Variants in SYTL4 observed in about 807,000 individuals in gnomAD.
The protein encoded by SYTL4 is synaptotagmin like 4, also known as synaptotagmin-like protein 4.
SYTL4 carries 16 observed loss-of-function variants against 52.7 expected under a neutral mutation model. The observed-to-expected ratio is 0.30, with a 90% CI of 0.21 to 0.46. SYTL4 has a LOEUF of 0.46. Ranked by LOEUF, SYTL4 falls within the 20% of genes least tolerant of loss-of-function variation. The pLI is 1.00. For synonymous variants in SYTL4, 160 were observed against 186.6 expected (o/e 0.86, Z 1.16); for missense variants, 423 against 519.9 (o/e 0.81, Z 1.81).
chrX:100,723,738 G>C (rs1365391091), intron 2 of SYTL4, among the ~76,000 whole-genome samples: 1 of 104,436 alleles, frequency 9.6e-6, no homozygotes, highest in Admixed American at 1.0e-4. Flanking sequence ...CGGCCGCCCC[G>C]TCTGAGAAGT....
At position 100,713,441 on chromosome X, in the gene SYTL4, G is replaced by A. The variant is rs144466921; in HGVS notation, c.-239-8555C>T. ...GCCTGGGCAACAAGAGGGAAACTCC[G>A]TCTCAAAAGAAAACAAAAACAAAAC... On this transcript the variant is annotated intron_variant, in intron 2 of 19. Coordinates refer to ENST00000372989, the MANE Select transcript of SYTL4 (RefSeq NM_001370165.1). 3.8e-3 allele frequency among the ~76,000 whole-genome samples: 407 copies of A among 108,511 alleles called. 3 individuals are homozygous for A. The highest frequency in any genetic ancestry group is 0.012 in the African/African-American group (371 of 29,726). The allele number at this position is 108,511 out of a possible 115,157, so 94.2% of individuals were successfully genotyped here.
chrX:100,693,419 G>A (rs779737486), intron 8 of SYTL4, among the ~76,000 whole-genome samples: 15 of 112,145 alleles, frequency 1.3e-4, no homozygotes, highest in Non-Finnish European at 1.3e-4. Context: ...AAGAATCATC[G>A]GTTACTCCTC....
chrX:100,716,882 T>C (rs1196030539), intron 2 of SYTL4, among the ~76,000 whole-genome samples: 1 of 112,055 alleles, frequency 8.9e-6, no homozygotes, highest in African/African-American at 3.2e-5. Context: ...TTTCAATTTA[T>C]AAAGCTGCTA....
chrX:100,678,451 C>G lies in SYTL4; in HGVS notation c.1807G>C (p.Asp603His). 1 of 1,211,381 alleles carries G rather than the reference C, an allele frequency of 8.3e-7. No individual in the cohort carries two copies. Among genetic ancestry groups the G allele is most frequent in the South Asian group, 1.8e-5 (1 of 56,928 alleles). Residue 603 changes from aspartate (D) to histidine (H), a missense_variant, in exon 19 of 20, where the codon GAC becomes CAC. Physicochemically the swap from Asp to His is moderately conservative, Grantham distance 81. Coordinates refer to ENST00000372989, the MANE Select transcript of SYTL4 (RefSeq NM_001370165.1). ...TCATTGCTGGCCAGGGGCTCCCGGT[C>G]CCACACAGTCAGTTCCAGGCACATA... ...QHMCLELTVW[D>H]REPLASNDFL...
chrX:100,714,291 T>TCAC (rs2084145490), intron 2 of SYTL4, among the ~76,000 whole-genome samples: 1 of 108,235 alleles, frequency 9.2e-6, no homozygotes, highest in East Asian at 2.9e-4. Flanking sequence ...AGATGGAGTC[T>TCAC]TGCTGTTGCC....
intron 12 of SYTL4, among the ~76,000 whole-genome samples, chrX:100,689,312 T>C (rs1481781914): frequency 2.0e-5 from 2 of 101,880 alleles, no homozygotes; most frequent in East Asian, 6.1e-4. Flanking sequence ...GAGTTCAAGG[T>C]GGCACTGAGC....
chrX:100,689,941 A>G lies in SYTL4; in HGVS notation c.827T>C (p.Ile276Thr), dbSNP rs1441925384. The change falls in exon 12 of 20, where the codon ATA becomes ACA. Residue 276 changes from isoleucine (I) to threonine (T), a missense_variant. Ile to Thr is a moderately conservative substitution (Grantham distance 89, BLOSUM62 -1). Coordinates refer to ENST00000372989, the MANE Select transcript of SYTL4 (RefSeq NM_001370165.1). ...LRPSEYTKSV[I>T]DLRPEDVVHE... ...TACCACATCTTCTGGGCGAAGATCT[A>G]TCACAGATTTAGTGTACTCTGAGGG... The G allele has an allele frequency of 4.1e-6, 5 of 1,205,182 alleles. No individual in the cohort carries two copies. The highest frequency in any genetic ancestry group is 2.3e-4 in the Middle Eastern group (1 of 4,340).
intron 16 of SYTL4, chrX:100,685,004 A>T (rs1357736612): frequency 8.9e-6 from 1 of 112,694 alleles, no homozygotes; most frequent in Non-Finnish European, 1.9e-5. Context: ...GCCATAAAAA[A>T]TTTCTAGAAG....
intron 8 of SYTL4, 27 bp downstream of exon 8, chrX:100,700,870 T>A: frequency 9.2e-7 from 1 of 1,084,064 alleles, no homozygotes; most frequent in Non-Finnish European, 1.3e-6. Flanking sequence ...TTGTAAGCAT[T>A]TCTTTAAACA....
chrX:100,681,369 G>A (rs2083371152), intron 16 of SYTL4, 34 bp from the exon 17 acceptor site: 1 of 1,092,819 alleles, frequency 9.2e-7, no homozygotes, highest in Non-Finnish European at 1.3e-6. Context: ...GGTCAAGCTG[G>A]GCTTCTCAAG....
intron 2 of SYTL4, among the ~76,000 whole-genome samples, chrX:100,724,660 T>C (rs1218376256): frequency 2.0e-5 from 2 of 100,522 alleles, no homozygotes; most frequent in Admixed American, 1.1e-4. Context: ...GTTAAACAGA[T>C]GCTTGAAGGC....
At chrX:100,724,262 C>G (rs1434575728) in intron 2 of SYTL4, among the ~76,000 whole-genome samples, 2 of 105,871 alleles carry the variant, frequency 1.9e-5, no homozygotes, top group African/African-American at 7.0e-5. Flanking sequence ...GGTCAGCGCC[C>G]CGCCCGGCCA....
intron 8 of SYTL4, among the ~76,000 whole-genome samples, chrX:100,698,653 G>A (rs1227827726): frequency 1.8e-5 from 2 of 111,546 alleles, no homozygotes; most frequent in Non-Finnish European, 3.8e-5. Context: ...AAGTATAAAG[G>A]CAGCTGGCAG....
At chrX:100,719,441 G>C (rs1386028633) in intron 2 of SYTL4, among the ~76,000 whole-genome samples, 1 of 111,013 alleles carries the variant, frequency 9.0e-6, no homozygotes, top group African/African-American at 3.3e-5. Context: ...TTTGGAAAAG[G>C]GAACATCAAC....
intron 2 of SYTL4, among the ~76,000 whole-genome samples, chrX:100,719,627 C>T (rs2084299144): frequency 9.2e-6 from 1 of 108,128 alleles, no homozygotes; most frequent in African/African-American, 3.4e-5. Flanking sequence ...TAACTCATTC[C>T]CCTCATCCAG....
intron 4 of SYTL4, among the ~76,000 whole-genome samples, 171 bp from the exon 5 acceptor site, chrX:100,702,278 G>T (rs959168816): frequency 1.8e-5 from 2 of 111,835 alleles, no homozygotes; most frequent in East Asian, 5.6e-4. Context: ...CCCTGAAAAT[G>T]AAGAGTCCTT....
At chrX:100,713,623 G>GA (rs2084124044) in intron 2 of SYTL4, among the ~76,000 whole-genome samples, 20 of 5,762 alleles carry the variant, frequency 3.5e-3, no homozygotes, top group African/African-American at 5.0e-3. Flanking sequence ...CTCAAAAGGG[G>GA]GAAAAAAAAA....
intron 2 of SYTL4, among the ~76,000 whole-genome samples, chrX:100,726,724 T>G (rs1017719456): frequency 9.0e-6 from 1 of 111,098 alleles, no homozygotes. Context: ...TGTGCCTTAC[T>G]GTCTATAAGG....
At chrX:100,730,333 T>C (rs1162689856) in intron 2 of SYTL4, among the ~76,000 whole-genome samples, 1 of 110,906 alleles carries the variant, frequency 9.0e-6, no homozygotes, top group African/African-American at 3.3e-5. Context: ...GAAAAACATA[T>C]ACTTGGGCTT....
Sources: allele counts gnomAD v4.1 joint callset (sites outside exome capture counted in the v4.1 genomes callset), GRCh38; gene constraint gnomAD v4.1.1; transcripts MANE v1.5; gene names NCBI Gene and HGNC (gene_info 2026-07-23, HGNC 2026-07-21).